The following GHR variants were observed in gnomAD, a reference collection of about 807,000 sequenced individuals.
GHR encodes the protein growth hormone receptor.
Under a neutral mutation model 67.1 loss-of-function variants are expected in GHR, and 35 were observed. That is an observed-to-expected ratio of 0.52 (90% CI 0.40 to 0.69). The LOEUF (loss-of-function observed/expected upper bound fraction) is 0.69. Among genes scored for constraint, GHR ranks in the 30% least tolerant of loss-of-function variants. The pLI is 0.00. For synonymous variants in GHR, 272 were observed against 269.1 expected, an observed-to-expected ratio of 1.01 and a Z score of -0.10; for missense variants, 792 against 764.6, an observed-to-expected ratio of 1.04 and a Z score of -0.42.
At chr5:42,562,940 C>T (rs1326699506) in intron 1 of GHR, among the ~76,000 whole-genome samples, 3 of 152,140 alleles carry the variant, frequency 2.0e-5, no homozygotes, top group Non-Finnish European at 4.4e-5. Context: ...TGAGCCACCA[C>T]GCCCCACCTA....
chr5:42,642,939 C>T (rs57624549), intron 3 of GHR, among the ~76,000 whole-genome samples: 2,347 of 152,252 alleles, frequency 0.015, 20 homozygotes, highest in Middle Eastern at 0.041. Flanking sequence ...CCTATGTCTG[C>T]GATTGGTCTC....
chr5:42,462,489 T>C (rs1455721321), intron 1 of GHR, among the ~76,000 whole-genome samples: 1 of 152,250 alleles, frequency 6.6e-6, no homozygotes, highest in Non-Finnish European at 1.5e-5. Flanking sequence ...AATATAGATT[T>C]AAACCACTTT....
chr5:42,628,661 A>T (rs1203217579), intron 2 of GHR, among the ~76,000 whole-genome samples: 1 of 131,712 alleles, frequency 7.6e-6, no homozygotes, highest in Non-Finnish European at 1.6e-5. Context: ...TAAGATAAGG[A>T]TGCTATGTCA....
chr5:42,637,346 T>C (rs1450470481), intron 3 of GHR, among the ~76,000 whole-genome samples: 3 of 152,130 alleles, frequency 2.0e-5, no homozygotes, highest in Non-Finnish European at 4.4e-5. Context: ...CACGTGCAGG[T>C]TTGTTACATG....
intron 4 of GHR, among the ~76,000 whole-genome samples, chr5:42,694,050 T>A (rs1757552404): frequency 6.6e-6 from 1 of 152,270 alleles, no homozygotes; most frequent in East Asian, 1.9e-4. Context: ...CGTATTGCCA[T>A]CTATTAAACT....
At chr5:42,673,769 C>T (rs1245608973) in intron 3 of GHR, among the ~76,000 whole-genome samples, 1 of 151,998 alleles carries the variant, frequency 6.6e-6, no homozygotes, top group Admixed American at 6.6e-5. Flanking sequence ...TGGGGACTAA[C>T]AGAGTAGGGA....
chr5:42,715,116 A>C (rs1758657228), intron 8 of GHR: 1 of 358,002 alleles, frequency 2.8e-6, no homozygotes, highest in Non-Finnish European at 5.7e-6. Context: ...ATGTTTAGTC[A>C]AAATCACCAA....
At chr5:42,601,214 A>G (rs910614527) in intron 2 of GHR, among the ~76,000 whole-genome samples, 1 of 152,050 alleles carries the variant, frequency 6.6e-6, no homozygotes, top group African/African-American at 2.4e-5. Flanking sequence ...AGTGAAATCT[A>G]TTCTTATATT....
chr5:42,626,542 G>T (rs541108426), intron 2 of GHR, among the ~76,000 whole-genome samples: 7 of 152,202 alleles, frequency 4.6e-5, no homozygotes, highest in Admixed American at 1.3e-4. Flanking sequence ...TTGGCCACTG[G>T]TGATCAAATT....
intron 2 of GHR, among the ~76,000 whole-genome samples, chr5:42,587,832 C>T (rs1751562900): frequency 6.6e-6 from 1 of 152,126 alleles, no homozygotes; most frequent in Non-Finnish European, 1.5e-5. Context: ...TCCCTGTCCA[C>T]CATCACCTTG....
chr5:42,455,172 A>C (rs1177612982), intron 1 of GHR, among the ~76,000 whole-genome samples: 1 of 152,140 alleles, frequency 6.6e-6, no homozygotes, highest in Non-Finnish European at 1.5e-5. Flanking sequence ...CAGATTCCCC[A>C]GTGAGGATAT....
At chr5:42,655,644 A>T (rs1755218414) in intron 3 of GHR, among the ~76,000 whole-genome samples, 1 of 152,130 alleles carries the variant, frequency 6.6e-6, no homozygotes, top group South Asian at 2.1e-4. Context: ...ACAAGGTTCT[A>T]ATATATTCTG....
chr5:42,588,490 C>T (rs1188299088), intron 2 of GHR, among the ~76,000 whole-genome samples: 3 of 121,000 alleles, frequency 2.5e-5, no homozygotes, highest in Admixed American at 1.1e-4. Context: ...TTGCACTCCA[C>T]ACTCCAGCCT....
Position 42,719,326 on chromosome 5 carries a change from CT to C in GHR, c.1820del (p.Leu607ProfsTer22). On this transcript the variant is annotated frameshift_variant, in exon 10 of 10. Transcript: ENST00000230882. LOFTEE classifies it high-confidence loss of function. ...TCATATAGTACAGTCCCCACAGGGC[CT>C]CATACTCAATGCGACTGCCTTGCCC... The part of the protein sequence containing the change: ...SIHIVQSPQG[L>X]ILNATALPLP... 6.2e-7 allele frequency: 1 copy of C among 1,614,138 alleles called. No homozygotes were observed. Among genetic ancestry groups the C allele is most frequent in the Non-Finnish European group, 8.5e-7 (1 of 1,179,986 alleles).
chr5:42,537,668 A>G (rs1363950403), intron 1 of GHR, among the ~76,000 whole-genome samples: 1 of 152,144 alleles, frequency 6.6e-6, no homozygotes, highest in African/African-American at 2.4e-5. Context: ...TATATTTGTT[A>G]AGTCCATTTG....
At chr5:42,557,609 G>A (rs1749380798) in intron 1 of GHR, among the ~76,000 whole-genome samples, 1 of 152,072 alleles carries the variant, frequency 6.6e-6, no homozygotes, top group African/African-American at 2.4e-5. Context: ...TGAGTAAACT[G>A]AGGTTTGGTA....
intron 1 of GHR, among the ~76,000 whole-genome samples, chr5:42,486,893 G>A (rs1412189271): frequency 1.3e-5 from 2 of 150,958 alleles, no homozygotes; most frequent in African/African-American, 4.9e-5. Flanking sequence ...TTTAATGGAT[G>A]TGAGTGGAAG....
chr5:42,718,391 C>T, intron 9 of GHR, 62 bp from the exon 10 acceptor site: 1 of 1,194,088 alleles, frequency 8.4e-7, no homozygotes, highest in Non-Finnish European at 1.2e-6. Context: ...ACATTATTTG[C>T]TAATTCATTT....
intron 1 of GHR, among the ~76,000 whole-genome samples, chr5:42,517,399 GCCTAAATCAGTA>G (rs1747285404): frequency 6.6e-6 from 1 of 152,184 alleles, no homozygotes; most frequent in Non-Finnish European, 1.5e-5. Flanking sequence ...TAACCTCTGG[GCCTAAATCAGTA>G]CCTATCCCAT....
Sources: gnomAD v4.1 joint callset for allele counts (sites outside exome capture counted in the v4.1 genomes callset) on GRCh38, gnomAD v4.1.1 for gene constraint, MANE v1.5 for transcripts, NCBI Gene and HGNC (gene_info 2026-07-23, HGNC 2026-07-21) for gene names.